The following PTPRT variants were observed in gnomAD, a reference collection of about 807,000 sequenced individuals.
The protein encoded by PTPRT is receptor-type tyrosine-protein phosphatase T.
Under a neutral mutation model 176.8 loss-of-function variants are expected in PTPRT, and 56 were observed. The observed-to-expected ratio is 0.32, with a 90% CI of 0.26 to 0.40. The LOEUF (loss-of-function observed/expected upper bound fraction) is 0.40. Among genes scored for constraint, PTPRT ranks in the 10% least tolerant of loss-of-function variants. PTPRT has a pLI of 1.00. For missense variants in PTPRT, 1,540 were observed against 1,908.2 expected, an observed-to-expected ratio of 0.81 and a Z score of 3.60; for synonymous variants, 783 against 739.0, an observed-to-expected ratio of 1.06 and a Z score of -0.96.
intron 1 of PTPRT, among the ~76,000 whole-genome samples, chr20:42,925,629 GC>G (rs1168474320): frequency 1.1e-4 from 16 of 152,272 alleles, no homozygotes; most frequent in African/African-American, 3.8e-4. Context: ...TTGGCTTGAG[GC>G]AGTGTTTTCA....
At chr20:42,496,630 C>T (rs1408933746) in intron 7 of PTPRT, among the ~76,000 whole-genome samples, 2 of 147,900 alleles carry the variant, frequency 1.4e-5, no homozygotes, top group Non-Finnish European at 3.0e-5. Flanking sequence ...AAATCCTTCA[C>T]TTTCACCACC....
chr20:42,429,916 G>T (rs1270989469), intron 9 of PTPRT, among the ~76,000 whole-genome samples: 1 of 152,170 alleles, frequency 6.6e-6, no homozygotes, highest in Non-Finnish European at 1.5e-5. Context: ...GTGCATTTGG[G>T]AGTGGGGATG....
intron 1 of PTPRT, among the ~76,000 whole-genome samples, chr20:43,184,565 T>C (rs2015343159): frequency 6.6e-6 from 1 of 152,026 alleles, no homozygotes; most frequent in Non-Finnish European, 1.5e-5. Context: ...CGTGCACCTA[T>C]GGTCCCAGCT....
At chr20:42,698,111 C>A (rs2075911824) in intron 6 of PTPRT, among the ~76,000 whole-genome samples, 1 of 152,134 alleles carries the variant, frequency 6.6e-6, no homozygotes, top group Non-Finnish European at 1.5e-5. Flanking sequence ...CCTTTGATTC[C>A]CCTAAAGGAA....
chr20:43,083,355 T>TATATATATATACATAC, intron 1 of PTPRT, among the ~76,000 whole-genome samples: 1 of 127,294 alleles, frequency 7.9e-6, no homozygotes, highest in Non-Finnish European at 1.6e-5. Flanking sequence ...TATATATATA[T>TATATATATATACATAC]ATATATATAT....
chr20:42,465,382 T>C (rs2071086804), intron 8 of PTPRT, among the ~76,000 whole-genome samples: 1 of 152,194 alleles, frequency 6.6e-6, no homozygotes, highest in African/African-American at 2.4e-5. Context: ...GTATTATTTA[T>C]GATAGTAAAT....
At chr20:42,671,594 A>C (rs184047185) in intron 7 of PTPRT, among the ~76,000 whole-genome samples, 52 of 152,336 alleles carry the variant, frequency 3.4e-4, no homozygotes, top group Non-Finnish European at 5.9e-4. Context: ...ATTAGTTCTG[A>C]GAAGTGGACA....
At chr20:42,763,273 T>C (rs1378584082) in intron 5 of PTPRT, among the ~76,000 whole-genome samples, 1 of 152,260 alleles carries the variant, frequency 6.6e-6, no homozygotes, top group Admixed American at 6.5e-5. Flanking sequence ...GCTGTCATTA[T>C]TTCAGAAAGA....
At chr20:42,976,992 T>A (rs565118527) in intron 1 of PTPRT, among the ~76,000 whole-genome samples, 1 of 152,268 alleles carries the variant, frequency 6.6e-6, no homozygotes, top group Admixed American at 6.5e-5. Flanking sequence ...AATCTGAATA[T>A]CCCATTCAAA....
chr20:42,595,168 T>C (rs1477013751), intron 7 of PTPRT, among the ~76,000 whole-genome samples: 1 of 151,636 alleles, frequency 6.6e-6, no homozygotes, highest in African/African-American at 2.4e-5. Flanking sequence ...GGCACGGGGG[T>C]CATTATTCAA....
At chr20:42,878,973 G>A (rs1297829928) in intron 2 of PTPRT, among the ~76,000 whole-genome samples, 1 of 152,160 alleles carries the variant, frequency 6.6e-6, no homozygotes, top group Non-Finnish European at 1.5e-5. Context: ...AGCTTGCAGT[G>A]AGCCGAGATC....
At chr20:42,682,393 T>C (rs557138899) in intron 6 of PTPRT, among the ~76,000 whole-genome samples, 5 of 152,300 alleles carry the variant, frequency 3.3e-5, no homozygotes, top group African/African-American at 9.6e-5. Context: ...TCCTATACCA[T>C]TCCCTCTTAT....
At chr20:43,092,941 G>A (rs914743233) in intron 1 of PTPRT, among the ~76,000 whole-genome samples, 2 of 152,178 alleles carry the variant, frequency 1.3e-5, no homozygotes, top group African/African-American at 2.4e-5. Flanking sequence ...TGTTGTTTGG[G>A]AAGACAAGTT....
chr20:42,623,407 G>A (rs1404977615), intron 7 of PTPRT, among the ~76,000 whole-genome samples: 2 of 152,216 alleles, frequency 1.3e-5, no homozygotes, highest in Non-Finnish European at 2.9e-5. Context: ...CAGCTGAACA[G>A]AGAGGCATAC....
At chr20:42,584,518 C>T (rs896202703) in intron 7 of PTPRT, among the ~76,000 whole-genome samples, 2 of 152,196 alleles carry the variant, frequency 1.3e-5, no homozygotes, top group Admixed American at 6.5e-5. Context: ...GAGGTCTTCT[C>T]TGATATCTTA....
intron 1 of PTPRT, among the ~76,000 whole-genome samples, chr20:42,956,151 T>C (rs1261967914): frequency 6.6e-6 from 1 of 152,118 alleles, no homozygotes; most frequent in Non-Finnish European, 1.5e-5. Flanking sequence ...TCCTACCCCG[T>C]AGTATGGGGT....
intron 1 of PTPRT, among the ~76,000 whole-genome samples, chr20:43,102,497 G>A (rs1382419749): frequency 2.0e-5 from 3 of 152,184 alleles, no homozygotes; most frequent in African/African-American, 7.2e-5. Context: ...AAGTCAGAGA[G>A]AGAGAACAGA....
chr20:42,340,845 A>C (rs1432964723), intron 11 of PTPRT, among the ~76,000 whole-genome samples: 4 of 152,102 alleles, frequency 2.6e-5, no homozygotes, highest in Non-Finnish European at 4.4e-5. Context: ...CAGCAGAAAA[A>C]AAAGTTAGAG....
intron 1 of PTPRT, among the ~76,000 whole-genome samples, chr20:42,966,581 G>C (rs1275338637): frequency 6.6e-6 from 1 of 152,172 alleles, no homozygotes; most frequent in Non-Finnish European, 1.5e-5. Flanking sequence ...GAAACTCTGA[G>C]AACATACACC....
Sources: allele counts gnomAD v4.1 joint callset (sites outside exome capture counted in the v4.1 genomes callset), GRCh38; gene constraint gnomAD v4.1.1; transcripts MANE v1.5; gene names NCBI Gene and HGNC (gene_info 2026-07-23, HGNC 2026-07-21).